Variants in AUH observed in about 807,000 individuals in gnomAD.
AUH encodes AU RNA binding methylglutaconyl-CoA hydratase.
AUH carries 29 observed loss-of-function variants against 42.3 expected under a neutral mutation model. That is an observed-to-expected ratio of 0.69 (90% CI 0.51 to 0.93). The LOEUF (loss-of-function observed/expected upper bound fraction) is 0.93. Among genes scored for constraint, AUH ranks in the 40% least tolerant of loss-of-function variants. The pLI, the probability that AUH is intolerant of heterozygous loss-of-function variation, is 0.00. For missense variants in AUH, 452 were observed against 438.1 expected, an observed-to-expected ratio of 1.03 and a Z score of -0.28; for synonymous variants, 174 against 166.4, an observed-to-expected ratio of 1.05 and a Z score of -0.35.
intron 6 of AUH, among the ~76,000 whole-genome samples, chr9:91,232,482 G>A (rs1198056666): frequency 1.3e-5 from 2 of 152,120 alleles, no homozygotes; most frequent in Non-Finnish European, 2.9e-5. Flanking sequence ...CTTCCTAGGG[G>A]TAGTAAATTT....
At chr9:91,257,017 C>A (rs1206146181) in intron 6 of AUH, among the ~76,000 whole-genome samples, 1 of 152,144 alleles carries the variant, frequency 6.6e-6, no homozygotes, top group Non-Finnish European at 1.5e-5. Flanking sequence ...TGTTCTGCCA[C>A]CCGCTGGGTG....
intron 6 of AUH, among the ~76,000 whole-genome samples, chr9:91,232,554 A>G (rs1467316891): frequency 6.6e-6 from 1 of 152,204 alleles, no homozygotes; most frequent in Non-Finnish European, 1.5e-5. Context: ...ACACCCCACC[A>G]GCCAAAGGTA....
intron 6 of AUH, among the ~76,000 whole-genome samples, chr9:91,277,202 A>G (rs1353451990): frequency 2.0e-5 from 3 of 152,202 alleles, no homozygotes; most frequent in East Asian, 3.8e-4. Context: ...AGGGCTAATA[A>G]TCTCATCTAT....
chr9:91,313,971 G>C (rs1243151769), intron 4 of AUH, among the ~76,000 whole-genome samples: 1 of 151,642 alleles, frequency 6.6e-6, no homozygotes, highest in Non-Finnish European at 1.5e-5. Flanking sequence ...TTACAGGCAC[G>C]TGCCACCACG....
At chr9:91,232,160 G>A (rs1294207981) in intron 6 of AUH, among the ~76,000 whole-genome samples, 1 of 152,104 alleles carries the variant, frequency 6.6e-6, no homozygotes, top group Non-Finnish European at 1.5e-5. Context: ...TGGGGCAGGG[G>A]GATAGCTTGA....
At chr9:91,273,102 T>C (rs1049819996) in intron 6 of AUH, among the ~76,000 whole-genome samples, 16 of 152,126 alleles carry the variant, frequency 1.1e-4, no homozygotes, top group African/African-American at 3.9e-4. Flanking sequence ...TGAAGAATTA[T>C]GTTCAAAAAG....
chr9:91,360,252 GT>G (rs1247601278), intron 1 of AUH: 1 of 152,184 alleles, frequency 6.6e-6, no homozygotes, highest in Non-Finnish European at 1.5e-5. Context: ...CTTAACGGAA[GT>G]GAAGTCCCGG....
intron 4 of AUH, among the ~76,000 whole-genome samples, chr9:91,300,541 A>T (rs546375445): frequency 5.9e-5 from 9 of 152,306 alleles, no homozygotes; most frequent in African/African-American, 2.2e-4. Context: ...TTCACCTGCA[A>T]TCTGCCACCC....
intron 6 of AUH, among the ~76,000 whole-genome samples, chr9:91,241,606 G>A (rs1828524062): frequency 6.6e-6 from 1 of 151,958 alleles, no homozygotes; most frequent in Non-Finnish European, 1.5e-5. Flanking sequence ...ACATAAGCCA[G>A]CCCTAAAGAA....
chr9:91,354,146 C>A (rs1164197337), intron 3 of AUH, among the ~76,000 whole-genome samples: 1 of 150,792 alleles, frequency 6.6e-6, no homozygotes, highest in African/African-American at 2.4e-5. Context: ...CCAGCCTGGG[C>A]AACAAGCGTG....
At chr9:91,301,683 C>T (rs1827795866) in intron 4 of AUH, among the ~76,000 whole-genome samples, 1 of 152,158 alleles carries the variant, frequency 6.6e-6, no homozygotes, top group Admixed American at 6.5e-5. Context: ...GCCTAGGTGC[C>T]AAGAGACATA....
chr9:91,343,732 A>AAAAT (rs1308765080), intron 3 of AUH, among the ~76,000 whole-genome samples: 6 of 152,208 alleles, frequency 3.9e-5, no homozygotes, highest in Non-Finnish European at 7.3e-5. Flanking sequence ...ACCCTGTCTC[A>AAAAT]AAATAAATAA....
chr9:91,325,251 T>G, intron 4 of AUH, 67 bp downstream of exon 4: 2 of 1,297,234 alleles, frequency 1.5e-6, no homozygotes, highest in Non-Finnish European at 2.2e-6. Flanking sequence ...ATATAATGTG[T>G]AACTTTTTAA....
chr9:91,259,373 T>C (rs575349512), intron 6 of AUH, among the ~76,000 whole-genome samples: 2 of 148,416 alleles, frequency 1.3e-5, no homozygotes, highest in South Asian at 2.1e-4. Flanking sequence ...ATTTGTGTCC[T>C]GTCTCCCTCT....
intron 6 of AUH, among the ~76,000 whole-genome samples, chr9:91,233,444 G>A (rs1249663303): frequency 6.6e-6 from 1 of 152,166 alleles, no homozygotes; most frequent in African/African-American, 2.4e-5. Context: ...TACTCTGAGG[G>A]GGACAAGAAG....
intron 1 of AUH, chr9:91,360,566 T>C (rs1832771331): frequency 6.6e-6 from 1 of 152,222 alleles, no homozygotes; most frequent in Admixed American, 6.5e-5. Context: ...GGTATTGTTT[T>C]TCCTGTTTTA....
In AUH at chr9:91,310,115, G is replaced by C. The variant is rs116511075; in HGVS notation, c.506-12039C>G. Among the ~76,000 whole-genome samples, 4 of 152,242 alleles carry C rather than the reference G, an allele frequency of 2.6e-5. No homozygotes were observed. The South Asian group carries it at 6.2e-4, about 24-fold the overall frequency. ...TTCACATATCAAACTTGGGACTCCT[G>C]AGCGAGACCTTCCATCCCAATCTAG... is the stretch of plus-strand genomic sequence containing the variant. On this transcript the variant is annotated intron_variant, in intron 4 of 9. Transcript: ENST00000375731.
intron 4 of AUH, among the ~76,000 whole-genome samples, chr9:91,299,502 T>C (rs1476535749): frequency 2.0e-5 from 3 of 152,002 alleles, no homozygotes; most frequent in African/African-American, 7.2e-5. Flanking sequence ...TATTTCACTA[T>C]CTGTACCTGT....
At chr9:91,328,495 C>T (rs1830109615) in intron 3 of AUH, among the ~76,000 whole-genome samples, 1 of 152,164 alleles carries the variant, frequency 6.6e-6, no homozygotes, top group Non-Finnish European at 1.5e-5. Context: ...GAGTTATAAA[C>T]TGGTCGGGTA....
Sources: allele counts gnomAD v4.1 joint callset (sites outside exome capture counted in the v4.1 genomes callset), GRCh38; gene constraint gnomAD v4.1.1; transcripts MANE v1.5; gene names NCBI Gene and HGNC (gene_info 2026-07-23, HGNC 2026-07-21).